The following CXCL13 variants were observed in gnomAD, a reference collection of about 807,000 sequenced individuals.
CXCL13 encodes the protein C-X-C motif chemokine ligand 13, also known as C-X-C motif chemokine 13.
CXCL13 carries 7 observed loss-of-function variants against 12.2 expected under a neutral mutation model. The observed-to-expected ratio is 0.57, with a 90% CI of 0.33 to 1.07. The LOEUF is 1.07. CXCL13 is among the 50% of genes least tolerant of loss of function. The probability of loss-of-function intolerance (pLI) is 0.04; values close to 1 mark genes in which losing one functional copy is unlikely to be tolerated. For synonymous variants in CXCL13, 47 were observed against 42.4 expected (o/e 1.11, Z -0.42); for missense variants, 113 against 127.4 (o/e 0.89, Z 0.55).
chr4:77,572,085 C>G (rs1048332654), intron 1 of CXCL13, among the ~76,000 whole-genome samples: 1 of 151,826 alleles, frequency 6.6e-6, no homozygotes, highest in Non-Finnish European at 1.5e-5. Flanking sequence ...TAACACTCAC[C>G]GCGAGGGTCC....
At chr4:77,560,959 C>T (rs932728220) in intron 1 of CXCL13, among the ~76,000 whole-genome samples, 9 of 152,164 alleles carry the variant, frequency 5.9e-5, no homozygotes, top group Admixed American at 4.6e-4. Context: ...TGCACTTCCT[C>T]TCTTGCATAG....
At chr4:77,523,073 G>A (rs956205849) in intron 1 of CXCL13, among the ~76,000 whole-genome samples, 1 of 152,196 alleles carries the variant, frequency 6.6e-6, no homozygotes, top group Non-Finnish European at 1.5e-5. Context: ...TCTGCTGAGA[G>A]ATCAACTGTT....
chr4:77,569,635 C>T (rs1440597277), intron 1 of CXCL13, among the ~76,000 whole-genome samples: 1 of 152,150 alleles, frequency 6.6e-6, no homozygotes, highest in African/African-American at 2.4e-5. Context: ...GTCACACAAA[C>T]AAATGGAAAC....
At chr4:77,608,444 A>G (rs1187939319) in intron 2 of CXCL13, among the ~76,000 whole-genome samples, 1 of 151,722 alleles carries the variant, frequency 6.6e-6, no homozygotes, top group Non-Finnish European at 1.5e-5. Flanking sequence ...CCATCTCAAA[A>G]AAAAAAAAAA....
chr4:77,561,035 C>A (rs532735289), intron 1 of CXCL13, among the ~76,000 whole-genome samples: 2 of 152,278 alleles, frequency 1.3e-5, no homozygotes, highest in African/African-American at 4.8e-5. Context: ...GGTTATGTTC[C>A]ATTTAAGGCT....
chr4:77,596,709 C>G (rs1013945570), intron 1 of CXCL13, among the ~76,000 whole-genome samples: 2 of 148,928 alleles, frequency 1.3e-5, no homozygotes, highest in African/African-American at 5.0e-5. Flanking sequence ...CATTGGAACC[C>G]GGGAGGCAGA....
chr4:77,529,256 A>ACG (rs1184769767), intron 1 of CXCL13, among the ~76,000 whole-genome samples: 17 of 152,192 alleles, frequency 1.1e-4, no homozygotes, highest in Admixed American at 3.3e-4. Flanking sequence ...TGACTTGGCA[A>ACG]TGCAGGCTCT....
chr4:77,543,509 C>G (rs1227541854), intron 1 of CXCL13, among the ~76,000 whole-genome samples: 2 of 152,072 alleles, frequency 1.3e-5, no homozygotes, highest in East Asian at 1.9e-4. Context: ...TAACTTTCCT[C>G]TTAACATTGC....
intron 1 of CXCL13, among the ~76,000 whole-genome samples, chr4:77,588,988 T>C (rs985304550): frequency 1.3e-5 from 2 of 152,206 alleles, no homozygotes; most frequent in Non-Finnish European, 2.9e-5. Context: ...TTTCACTCTG[T>C]CTAGATTTCT....
intron 1 of CXCL13, among the ~76,000 whole-genome samples, chr4:77,546,587 G>T (rs1197682084): frequency 6.6e-6 from 1 of 152,032 alleles, no homozygotes; most frequent in East Asian, 1.9e-4. Flanking sequence ...TGGGATCAGT[G>T]GTGATATCCC....
chr4:77,551,246 G>A (rs768423905), intron 1 of CXCL13, among the ~76,000 whole-genome samples: 1 of 152,156 alleles, frequency 6.6e-6, no homozygotes, highest in Non-Finnish European at 1.5e-5. Flanking sequence ...TGTGTTTTGT[G>A]GCAGCAGGTA....
intron 1 of CXCL13, among the ~76,000 whole-genome samples, chr4:77,584,714 G>A (rs1726412080): frequency 6.6e-6 from 1 of 152,168 alleles, no homozygotes; most frequent in South Asian, 2.1e-4. Context: ...GACTGTTTGG[G>A]AAAGCTGGGG....
chr4:77,608,501 G>T (rs567599863), intron 2 of CXCL13, among the ~76,000 whole-genome samples: 2 of 151,504 alleles, frequency 1.3e-5, no homozygotes, highest in African/African-American at 4.8e-5. Flanking sequence ...CATTTTCCCC[G>T]TTGCAAAGCC....
chr4:77,568,481 A>G (rs1198705098), intron 1 of CXCL13, among the ~76,000 whole-genome samples: 1 of 152,096 alleles, frequency 6.6e-6, no homozygotes, highest in East Asian at 1.9e-4. Context: ...GCTTATGCTC[A>G]TGTCATTGTG....
In CXCL13 at chr4:77,611,747, G is replaced by A. The variant is rs867294993; in HGVS notation, c.*708G>A. The A allele has an allele frequency of 1.3e-5, 5 of 394,374 alleles. No individual in the cohort carries two copies. The highest frequency in any genetic ancestry group is 1.1e-4 in the East Asian group (3 of 28,038). The allele number at this position is 394,374 out of a possible 1,614,324, so 24.4% of individuals were successfully genotyped here. A position where few individuals can be genotyped will look rare whatever the true frequency, so the allele number is the denominator to read the frequency against. On this transcript the variant is annotated 3_prime_UTR_variant, in exon 4 of 4. Transcript: ENST00000682537. ...TTCACTGACTTTTTTTGTGGGGGGCGGGGCCGGGGGGACTCTGGTATCTAA... is the reference window on the plus strand; with the variant it reads ...TTCACTGACTTTTTTTGTGGGGGGCAGGGCCGGGGGGACTCTGGTATCTAA...
intron 1 of CXCL13, among the ~76,000 whole-genome samples, chr4:77,522,761 G>C (rs1375666468): frequency 6.6e-6 from 1 of 151,696 alleles, no homozygotes; most frequent in Non-Finnish European, 1.5e-5. Context: ...TATGATGTTA[G>C]CTGGCTATTT....
intron 1 of CXCL13, among the ~76,000 whole-genome samples, chr4:77,559,590 C>CGTGTGTGTGTGTGTGTGT (rs376338194): frequency 1.3e-5 from 2 of 148,728 alleles, no homozygotes; most frequent in East Asian, 2.0e-4. Context: ...CTAAATATGC[C>CGTGTGTGTGTGTGTGTGT]GTGTGTGTGT....
intron 1 of CXCL13, among the ~76,000 whole-genome samples, chr4:77,549,440 T>A (rs762615174): frequency 3.3e-5 from 5 of 152,206 alleles, no homozygotes; most frequent in Non-Finnish European, 1.5e-5. Context: ...ATTTTCAGCT[T>A]TTCTGTTCTG....
chr4:77,569,768 A>C (rs1233384610), intron 1 of CXCL13, among the ~76,000 whole-genome samples: 2 of 152,246 alleles, frequency 1.3e-5, no homozygotes, highest in Non-Finnish European at 2.9e-5. Flanking sequence ...AGAACTAGAA[A>C]AAACTTCTAA....
Sources: gnomAD v4.1 joint callset for allele counts (sites outside exome capture counted in the v4.1 genomes callset) on GRCh38, gnomAD v4.1.1 for gene constraint, MANE v1.5 for transcripts, NCBI Gene and HGNC (gene_info 2026-07-23, HGNC 2026-07-21) for gene names.